Variants in CDH18 observed in about 807,000 individuals in gnomAD.
The protein encoded by CDH18 is cadherin 18, also known as cadherin-18.
Under a neutral mutation model 67.9 loss-of-function variants are expected in CDH18, and 31 were observed. The ratio of observed to expected loss-of-function variants is 0.46; its 90% CI spans 0.34 to 0.62. The LOEUF is 0.62. Among genes scored for constraint, CDH18 ranks in the 20% least tolerant of loss-of-function variants. The pLI is 0.01. For missense variants in CDH18, 890 were observed against 975.5 expected, an observed-to-expected ratio of 0.91 and a Z score of 1.17; for synonymous variants, 362 against 347.2, an observed-to-expected ratio of 1.04 and a Z score of -0.48.
At position 20,429,618 on chromosome 5, in the gene CDH18, G is replaced by A. The variant is rs1384435883; in HGVS notation, c.-580+145844C>T. 2.6e-5 allele frequency among the ~76,000 whole-genome samples: 4 copies of A among 152,160 alleles called. No homozygotes were observed. In the East Asian group the frequency reaches 7.7e-4, roughly 29 times the overall value. ...ATGAATGGGGGGGCAAAAGGATGAT[G>A]AAGATTGTATATTTTTCTAACAGCA... is the stretch of plus-strand genomic sequence containing the variant. On this transcript the variant is annotated intron_variant, in intron 1 of 14. Coordinates refer to the CDH18 transcript ENST00000507958.
In CDH18 at chr5:19,782,253, AG is replaced by A. The variant is rs541545875; in HGVS notation, c.229-35018del. On this transcript the variant is annotated intron_variant, in intron 3 of 12. Coordinates refer to ENST00000382275, the MANE Select transcript of CDH18 (RefSeq NM_004934.5). The stretch of plus-strand genomic sequence containing the variant: ...GGCAGGAGAGAGAATGAGTGCAAGC[AG>A]GGGAAATGCCAGACACTTATGAAAC... Among the ~76,000 whole-genome samples the A allele has an allele frequency of 4.6e-5, 7 of 152,224 alleles. No homozygotes were observed. In the East Asian group the frequency reaches 9.7e-4, roughly 21 times the overall value.
chr5:19,912,201 C>A (rs932227484), intron 2 of CDH18, among the ~76,000 whole-genome samples: 1 of 151,350 alleles, frequency 6.6e-6, no homozygotes, highest in Non-Finnish European at 1.5e-5. Flanking sequence ...AAACACTTAA[C>A]GGCTTCGTAA....
intron 5 of CDH18, among the ~76,000 whole-genome samples, chr5:19,719,147 T>C (rs1765695900): frequency 6.6e-6 from 1 of 152,058 alleles, no homozygotes; most frequent in South Asian, 2.1e-4. Flanking sequence ...ACCAATTGTA[T>C]GCATAAAAAG....
chr5:19,847,516 C>T (rs549676631), intron 2 of CDH18, among the ~76,000 whole-genome samples: 1 of 152,110 alleles, frequency 6.6e-6, no homozygotes, highest in African/African-American at 2.4e-5. Flanking sequence ...TTTTACTGAG[C>T]TTCTTGACAT....
intron 1 of CDH18, among the ~76,000 whole-genome samples, chr5:20,348,533 T>C (rs942980635): frequency 2.0e-5 from 3 of 152,158 alleles, no homozygotes; most frequent in Admixed American, 6.5e-5. Flanking sequence ...CTGACAAAGA[T>C]AGGAAAAAAC....
rs191659175 is a variant in CDH18 at position 20,400,181 on chromosome 5, C to T, written c.-579-144676G>A. Among the ~76,000 whole-genome samples, 184 of 152,252 alleles carry T rather than the reference C, an allele frequency of 1.2e-3. 1 individual carries two copies. The highest frequency in any genetic ancestry group is 2.0e-3 in the Admixed American group (31 of 15,290). ...AGCTCTGACTCTGCTTTATCAACTA[C>T]ATTTATGAAATATCCTAATCCTGTA... On this transcript the variant is annotated intron_variant, in intron 1 of 14. Coordinates refer to the CDH18 transcript ENST00000507958.
At chr5:19,596,481 A>G (rs1030204576) in intron 6 of CDH18, among the ~76,000 whole-genome samples, 4 of 152,232 alleles carry the variant, frequency 2.6e-5, no homozygotes, top group Non-Finnish European at 5.9e-5. Flanking sequence ...CCACTATTAC[A>G]TAAGCCTTCA....
chr5:19,547,541 T>C (rs901688488), intron 8 of CDH18, among the ~76,000 whole-genome samples: 1 of 152,220 alleles, frequency 6.6e-6, no homozygotes, highest in African/African-American at 2.4e-5. Flanking sequence ...AAATATGTAG[T>C]CTTTTTGCCA....
chr5:19,918,615 G>A (rs543763884), intron 2 of CDH18, among the ~76,000 whole-genome samples: 39 of 152,098 alleles, frequency 2.6e-4, no homozygotes, highest in East Asian at 7.7e-4. Flanking sequence ...AAAATGAACC[G>A]CAATAATTCT....
chr5:20,528,985 G>A (rs1028894542), intron 1 of CDH18, among the ~76,000 whole-genome samples: 1 of 151,176 alleles, frequency 6.6e-6, no homozygotes, highest in Non-Finnish European at 1.5e-5. Flanking sequence ...CAGTAAAATA[G>A]ACAGACCTCT....
At chr5:19,751,456 T>A (rs1332824637) in intron 3 of CDH18, among the ~76,000 whole-genome samples, 2 of 152,214 alleles carry the variant, frequency 1.3e-5, no homozygotes, top group Non-Finnish European at 2.9e-5. Context: ...AGAAATATAG[T>A]AATTCCACTA....
intron 12 of CDH18, among the ~76,000 whole-genome samples, chr5:19,481,876 C>G (rs1217204514): frequency 6.6e-6 from 1 of 152,114 alleles, no homozygotes; most frequent in Non-Finnish European, 1.5e-5. Context: ...AGAAAAAAGA[C>G]TTTGGACACA....
chr5:20,183,775 A>G lies in CDH18; in HGVS notation c.-518+71669T>C, dbSNP rs540689490. On this transcript the variant is annotated intron_variant, in intron 2 of 14. Coordinates refer to the CDH18 transcript ENST00000507958. ...CAATGCTGTTACTCTTGTACCAAGC[A>G]GACTGTTTTGCATTAAATGTCAGCT... Among the ~76,000 whole-genome samples, 336 of 152,238 alleles carry G rather than the reference A, an allele frequency of 2.2e-3. 2 individuals carry two copies. Among genetic ancestry groups the G allele is most frequent in the African/African-American group, 7.7e-3 (322 of 41,564 alleles).
chr5:20,146,853 C>T (rs1435847023), intron 2 of CDH18, among the ~76,000 whole-genome samples: 2 of 151,886 alleles, frequency 1.3e-5, no homozygotes, highest in African/African-American at 2.4e-5. Context: ...ACAATGATTT[C>T]TTTATACTTT....
At chr5:20,019,950 A>T (rs987913336) in intron 2 of CDH18, among the ~76,000 whole-genome samples, 9 of 152,204 alleles carry the variant, frequency 5.9e-5, no homozygotes, top group Non-Finnish European at 1.5e-5. Flanking sequence ...TGATGTGGAC[A>T]ATGAAGTCCA....
At position 19,472,605 on chromosome 5, in the gene CDH18, C is replaced by T. The variant is rs1737741769; in HGVS notation, c.*621G>A. ...GAAGTTGCATACATTATAGTGCAGGCAGCAAATCCCCATGCTCCATCAGTT... is the reference window on the plus strand; with the variant it reads ...GAAGTTGCATACATTATAGTGCAGGTAGCAAATCCCCATGCTCCATCAGTT... On this transcript the variant is annotated 3_prime_UTR_variant, in exon 13 of 13. Transcript: ENST00000382275. Among the ~76,000 whole-genome samples the T allele has an allele frequency of 6.6e-6, 1 of 152,018 alleles. No homozygotes were observed. The highest frequency in any genetic ancestry group is 1.5e-5 in the Non-Finnish European group (1 of 67,990).
chr5:20,543,155 A>G (rs1757147966), intron 1 of CDH18, among the ~76,000 whole-genome samples: 1 of 152,068 alleles, frequency 6.6e-6, no homozygotes, highest in Non-Finnish European at 1.5e-5. Flanking sequence ...AACAATTTAC[A>G]TATCAAGTTG....
At chr5:20,182,387 G>A (rs1224217807) in intron 2 of CDH18, among the ~76,000 whole-genome samples, 1 of 151,858 alleles carries the variant, frequency 6.6e-6, no homozygotes, top group Non-Finnish European at 1.5e-5. Flanking sequence ...CAGATCACCT[G>A]AGGTGAGGAG....
intron 1 of CDH18, among the ~76,000 whole-genome samples, chr5:20,434,792 G>T (rs951586031): frequency 2.0e-5 from 3 of 151,912 alleles, no homozygotes; most frequent in African/African-American, 7.2e-5. Flanking sequence ...ACTAAAAAGG[G>T]TGTCAGTGTT....
Sources: allele counts gnomAD v4.1 joint callset (sites outside exome capture counted in the v4.1 genomes callset), GRCh38; gene constraint gnomAD v4.1.1; transcripts MANE v1.5; gene names NCBI Gene and HGNC (gene_info 2026-07-23, HGNC 2026-07-21).